Variants in XRRA1 observed in about 807,000 individuals in gnomAD.
XRRA1 encodes the protein X-ray radiation resistance-associated protein 1.
XRRA1 carries 69 observed loss-of-function variants against 80.2 expected under a neutral mutation model. The observed-to-expected ratio is 0.86, with a 90% confidence interval of 0.71 to 1.05. The LOEUF is 1.05. Ranked by LOEUF, XRRA1 falls within the 50% of genes least tolerant of loss-of-function variation. XRRA1 has a pLI of 0.00. For synonymous variants in XRRA1, 348 were observed against 389.9 expected, an observed-to-expected ratio of 0.89 and a Z score of 1.27; for missense variants, 967 against 976.4, an observed-to-expected ratio of 0.99 and a Z score of 0.13.
chr11:74,879,706 G>GC (rs2047006267), intron 10 of XRRA1, among the ~76,000 whole-genome samples: 1 of 150,366 alleles, frequency 6.7e-6, no homozygotes, highest in African/African-American at 2.5e-5. Flanking sequence ...GGCTTTTTCT[G>GC]CATCTGTTGA....
intron 12 of XRRA1, among the ~76,000 whole-genome samples, chr11:74,856,563 C>G (rs1458158222): frequency 2.0e-5 from 3 of 152,208 alleles, no homozygotes; most frequent in African/African-American, 7.2e-5. Context: ...GTGGCAGATG[C>G]AAGTGCCACA....
chr11:74,896,885 C>G (rs1486260373), intron 10 of XRRA1, among the ~76,000 whole-genome samples: 1 of 152,122 alleles, frequency 6.6e-6, no homozygotes, highest in East Asian at 1.9e-4. Flanking sequence ...GGGTCCAAGT[C>G]CCTTCAAATA....
chr11:74,882,113 G>C (rs1258734066), intron 10 of XRRA1, among the ~76,000 whole-genome samples: 1 of 151,868 alleles, frequency 6.6e-6, no homozygotes, highest in Admixed American at 6.6e-5. Context: ...TTTCCAACTT[G>C]GTTCCATTCT....
At chr11:74,908,669 T>G (rs1172825773) in intron 8 of XRRA1, among the ~76,000 whole-genome samples, 1 of 152,026 alleles carries the variant, frequency 6.6e-6, no homozygotes, top group East Asian at 1.9e-4. Context: ...CCCCTCTAGG[T>G]GGAGTAGGTG....
chr11:74,942,752 G>C (rs1222717882), intron 2 of XRRA1, among the ~76,000 whole-genome samples: 1 of 152,242 alleles, frequency 6.6e-6, no homozygotes, highest in Non-Finnish European at 1.5e-5. Flanking sequence ...CTACTTCATA[G>C]GGCTGTTTTG....
At chr11:74,886,070 A>G (rs1312381757) in intron 10 of XRRA1, among the ~76,000 whole-genome samples, 2 of 152,246 alleles carry the variant, frequency 1.3e-5, no homozygotes, top group South Asian at 2.1e-4. Context: ...CCTTAAAATA[A>G]TAAGAGCCAT....
intron 16 of XRRA1, among the ~76,000 whole-genome samples, chr11:74,844,555 C>T (rs1011720341): frequency 2.6e-5 from 4 of 152,188 alleles, no homozygotes; most frequent in African/African-American, 9.7e-5. Flanking sequence ...AAGGCTGGCT[C>T]CAATGTGACC....
chr11:74,914,750 G>A (rs1937986656), intron 8 of XRRA1, among the ~76,000 whole-genome samples: 1 of 144,636 alleles, frequency 6.9e-6, no homozygotes, highest in African/African-American at 2.6e-5. Flanking sequence ...GCTTACTAGT[G>A]CATGTTGGTA....
At chr11:74,933,047 A>G (rs1289203141) in intron 5 of XRRA1, among the ~76,000 whole-genome samples, 1 of 152,226 alleles carries the variant, frequency 6.6e-6, no homozygotes, top group Non-Finnish European at 1.5e-5. Flanking sequence ...AGCCAATACA[A>G]AGAAAGAAAC....
Position 74,858,290 on chromosome 11 carries a change from G to A in XRRA1, c.1170+868C>T, listed in dbSNP as rs186945777. Reference sequence around the variant, plus strand: ...TGATTTTCGGCAAGGGTGTAACAGTGGGGGAAAGAATAGTCTTTTCAATAA... The same window carrying A: ...TGATTTTCGGCAAGGGTGTAACAGTAGGGGAAAGAATAGTCTTTTCAATAA... On this transcript the variant is annotated intron_variant, in intron 12 of 18. Coordinates refer to ENST00000684022, the MANE Select transcript of XRRA1 (RefSeq NM_001378157.1). Among the ~76,000 whole-genome samples, 931 of 152,302 alleles carry A rather than the reference G, an allele frequency of 6.1e-3. 8 individuals are homozygous for A. The highest frequency in any genetic ancestry group is 9.5e-3 in the Admixed American group (145 of 15,306).
In XRRA1 at chr11:74,871,699, C is replaced by T. The variant is rs151040715; in HGVS notation, c.1004-8678G>A. Among the ~76,000 whole-genome samples the T allele has an allele frequency of 3.9e-5, 6 of 152,308 alleles. 1 individual carries two copies. In the East Asian group the frequency reaches 1.2e-3, roughly 29 times the overall value. ...ACTATCTCCAAAATTCCCCACTCCC[C>T]CAGCTTCACTCTTACCCCTGCAGGA... On this transcript the variant is annotated intron_variant, in intron 10 of 18. Coordinates refer to ENST00000684022, the MANE Select transcript of XRRA1 (RefSeq NM_001378157.1).
chr11:74,865,634 T>C (rs988954431), intron 10 of XRRA1, among the ~76,000 whole-genome samples: 1 of 152,178 alleles, frequency 6.6e-6, no homozygotes, highest in Non-Finnish European at 1.5e-5. Context: ...CTAGGTGACA[T>C]ACACCTGTCT....
chr11:74,879,183 C>G (rs10899046), intron 10 of XRRA1, among the ~76,000 whole-genome samples: 24,550 of 149,268 alleles, frequency 0.16, 4,905 homozygotes, highest in African/African-American at 0.5. Context: ...CCTTCACATC[C>G]CTTGTAAGTT....
At chr11:74,868,080 C>T (rs138969537) in intron 10 of XRRA1, among the ~76,000 whole-genome samples, 6 of 152,092 alleles carry the variant, frequency 3.9e-5, no homozygotes, top group East Asian at 3.9e-4. Context: ...CGTCACCGCA[C>T]CTAATTTTTT....
intron 10 of XRRA1, among the ~76,000 whole-genome samples, chr11:74,884,483 A>G (rs1020664584): frequency 1.3e-5 from 2 of 152,204 alleles, no homozygotes; most frequent in African/African-American, 4.8e-5. Context: ...TTTAGTGTCT[A>G]TGCACACCTG....
intron 10 of XRRA1, among the ~76,000 whole-genome samples, chr11:74,868,961 T>C (rs2044125178): frequency 6.6e-6 from 1 of 152,126 alleles, no homozygotes; most frequent in Non-Finnish European, 1.5e-5. Flanking sequence ...CTGACAAAGA[T>C]ATTAATGACC....
At chr11:74,887,039 T>A (rs1591030130) in intron 10 of XRRA1, among the ~76,000 whole-genome samples, 1 of 152,188 alleles carries the variant, frequency 6.6e-6, no homozygotes, top group East Asian at 1.9e-4. Flanking sequence ...CTGAACCCCT[T>A]CCTTACACCA....
Position 74,844,198 on chromosome 11 carries a change from AAG to A in XRRA1, c.2011_2012del (p.Leu671SerfsTer23), listed in dbSNP as rs773282100. The A allele has an allele frequency of 9.9e-6, 16 of 1,613,696 alleles. No homozygotes were observed. Among genetic ancestry groups the A allele is most frequent in the Non-Finnish European group, 1.4e-5 (16 of 1,179,854 alleles). On this transcript the variant is annotated frameshift_variant, in exon 17 of 19. Coordinates refer to ENST00000684022, the MANE Select transcript of XRRA1 (RefSeq NM_001378157.1). LOFTEE classifies it high-confidence loss of function. The stretch of plus-strand genomic sequence containing the variant: ...TCTCTTTGTGAACATAGGGTTTCTG[AAG>A]AGTGTCCAGCTTGGGCTTGGAGGAG... ...CHSSKPKLDT[L>X]QKPYVHKEKR...
rs376623306 is a variant in XRRA1, at chr11:74,845,802, C to T, written c.1729-531G>A. 651 of 154,750 alleles carry T rather than the reference C, an allele frequency of 4.2e-3. 3 individuals carry two copies. The highest frequency in any genetic ancestry group is 6.0e-3 in the Non-Finnish European group (420 of 69,552). 9.6% of individuals were successfully genotyped at this position (154,750 alleles called of 1,614,324 possible). A position where few individuals can be genotyped will look rare whatever the true frequency, so the allele number is the denominator to read the frequency against. Reference sequence around the variant, plus strand: ...GAGGGTGCGTTTTATTTTGTATTTTCTTTATGCTCACTCTGATGGCAAACC... The same window carrying T: ...GAGGGTGCGTTTTATTTTGTATTTTTTTTATGCTCACTCTGATGGCAAACC... On this transcript the variant is annotated intron_variant, in intron 15 of 18. Transcript: ENST00000684022.
Sources: gnomAD v4.1 joint callset for allele counts (sites outside exome capture counted in the v4.1 genomes callset) on GRCh38, gnomAD v4.1.1 for gene constraint, MANE v1.5 for transcripts, NCBI Gene and HGNC (gene_info 2026-07-23, HGNC 2026-07-21) for gene names.